The following CCDC191 variants were observed in gnomAD, a reference collection of about 807,000 sequenced individuals.
CCDC191 encodes coiled-coil domain containing 191, also known as coiled-coil domain-containing protein 191.
In CCDC191, 99 loss-of-function variants were observed where a neutral mutation model predicts 114.0. That is an observed-to-expected ratio of 0.87 (90% CI 0.74 to 1.03). CCDC191 has a LOEUF of 1.03. CCDC191 is among the 50% of genes least tolerant of loss of function. The probability of loss-of-function intolerance (pLI) is 0.00; values close to 1 mark genes in which losing one functional copy is unlikely to be tolerated. For missense variants in CCDC191, 973 were observed against 1,087.0 expected (o/e 0.90, Z 1.47); for synonymous variants, 351 against 376.0 (o/e 0.93, Z 0.77).
chr3:114,023,467 T>A (rs2076272906), intron 7 of CCDC191, among the ~76,000 whole-genome samples: 1 of 152,220 alleles, frequency 6.6e-6, no homozygotes, highest in Non-Finnish European at 1.5e-5. Context: ...ACTACAAGGC[T>A]ACAGTAACCA....
intron 1 of CCDC191, among the ~76,000 whole-genome samples, chr3:114,054,944 A>C (rs1262935982): frequency 6.6e-6 from 1 of 151,876 alleles, no homozygotes; most frequent in African/African-American, 2.4e-5. Flanking sequence ...TGGAGCACTA[A>C]ATCTCTTTTG....
chr3:113,989,410 G>T (rs981236871), intron 13 of CCDC191, among the ~76,000 whole-genome samples: 25 of 151,996 alleles, frequency 1.6e-4, no homozygotes, highest in Non-Finnish European at 3.2e-4. Context: ...CAATATTCTG[G>T]GTCATAAAGC....
chr3:113,984,226 G>GA (rs1447269433), intron 13 of CCDC191: 3 of 120,374 alleles, frequency 2.5e-5, no homozygotes, highest in African/African-American at 8.9e-5. Flanking sequence ...TCAACAGTAG[G>GA]GTTTTTTTTT....
chr3:114,052,427 T>G (rs1359717125), intron 2 of CCDC191, among the ~76,000 whole-genome samples: 3 of 152,142 alleles, frequency 2.0e-5, no homozygotes, highest in African/African-American at 7.2e-5. Flanking sequence ...CTCTCAACAC[T>G]CACATGCAAG....
chr3:114,034,750 C>T (rs368595761), intron 6 of CCDC191, among the ~76,000 whole-genome samples, 175 bp downstream of exon 6: 4 of 151,982 alleles, frequency 2.6e-5, no homozygotes, highest in African/African-American at 7.2e-5. Context: ...AAAGGGACCA[C>T]GTCAGGAGGA....
chr3:113,998,606 T>A (rs1263451053), intron 13 of CCDC191, among the ~76,000 whole-genome samples: 2 of 152,174 alleles, frequency 1.3e-5, no homozygotes, highest in Non-Finnish European at 1.5e-5. Context: ...CTAAAGGCAC[T>A]GCCGAGTACC....
chr3:114,024,548 T>C (rs1312864980), intron 7 of CCDC191, among the ~76,000 whole-genome samples: 1 of 152,124 alleles, frequency 6.6e-6, no homozygotes, highest in Non-Finnish European at 1.5e-5. Flanking sequence ...ATGTCCTTTG[T>C]AGGGACACAG....
chr3:114,007,229 A>G (rs1390631966), intron 9 of CCDC191, among the ~76,000 whole-genome samples: 8 of 152,196 alleles, frequency 5.3e-5, no homozygotes, highest in Admixed American at 4.6e-4. Context: ...GTTTGAGTCC[A>G]TGTTCTAAGG....
At chr3:113,986,450 C>A (rs991649301) in intron 13 of CCDC191, among the ~76,000 whole-genome samples, 1 of 152,062 alleles carries the variant, frequency 6.6e-6, no homozygotes, top group South Asian at 2.1e-4. Flanking sequence ...TAACAAAACA[C>A]AAAATCATAT....
At chr3:113,986,547 CA>C (rs1429782088) in intron 13 of CCDC191, among the ~76,000 whole-genome samples, 2 of 152,116 alleles carry the variant, frequency 1.3e-5, no homozygotes, top group Non-Finnish European at 2.9e-5. Flanking sequence ...TGCTAAAAAT[CA>C]AAGACAAAGA....
intron 7 of CCDC191, among the ~76,000 whole-genome samples, chr3:114,029,877 C>CA (rs1373824968): frequency 1.3e-5 from 2 of 152,006 alleles, no homozygotes; most frequent in East Asian, 3.9e-4. Context: ...TCATAAAAGA[C>CA]ACGGAAAGAC....
rs1312254632 is a variant in CCDC191, at chr3:113,965,369, T to A, written c.2607-10A>T. 1 of 1,530,164 alleles carries A rather than the reference T, an allele frequency of 6.5e-7. No homozygotes were observed. Among genetic ancestry groups the A allele is most frequent in the South Asian group, 1.3e-5 (1 of 79,802 alleles). 94.8% of individuals were successfully genotyped at this position (1,530,164 alleles called of 1,614,324 possible). ...GATCCAGAGGATCCTCCTTTAAGAA[T>A]AAAGAAGGAAAAAAGTGAAATGTTG... On this transcript the variant is annotated splice_polypyrimidine_tract_variant and intron_variant, in intron 16 of 16. Coordinates refer to ENST00000295878, the MANE Select transcript of CCDC191 (RefSeq NM_020817.2).
At chr3:114,053,849 T>C (rs896169567) in intron 1 of CCDC191, among the ~76,000 whole-genome samples, 7 of 152,244 alleles carry the variant, frequency 4.6e-5, no homozygotes, top group African/African-American at 1.7e-4. Context: ...TGATTGTTTT[T>C]ATTTCTTGTC....
rs752797292 is a variant in CCDC191, at chr3:113,979,010, C to T, written c.2308G>A (p.Val770Met). 6.2e-7 allele frequency: 1 copy of T among 1,612,456 alleles called. No individual in the cohort carries two copies. Among genetic ancestry groups the T allele is most frequent in the African/African-American group, 1.3e-5 (1 of 74,802 alleles). Residue 770 changes from valine to methionine, a missense_variant and splice_region_variant, in exon 15 of 17, where the codon GTG (valine) becomes ATG (methionine). Coordinates refer to ENST00000295878, the MANE Select transcript of CCDC191 (RefSeq NM_020817.2). ...LRMQSKQNIQVAEEHYSLFLQ... is the reference protein window; with the variant it reads ...LRMQSKQNIQMAEEHYSLFLQ... ...AACAAAGAGTAATGTTCTTCTGCCA[C>T]CTGGACAATTTTTTAAATGAGAAAT...
chr3:113,965,101 AAC>A lies in CCDC191; in HGVS notation c.*52_*53del, dbSNP rs1482548273. On this transcript the variant is annotated 3_prime_UTR_variant, in exon 17 of 17. Transcript: ENST00000295878. ...TGTATGTGTGTGGGTGGGTGGAGAT[AAC>A]ACACATACAGACTAGTCGAGCTTCC... 1 of 1,096,690 alleles carries A rather than the reference AAC, an allele frequency of 9.1e-7. No homozygotes were observed. The allele number at this position is 1,096,690 out of a possible 1,614,324, so 67.9% of individuals were successfully genotyped here.
intron 13 of CCDC191, among the ~76,000 whole-genome samples, chr3:113,983,542 A>C (rs1240387988): frequency 1.3e-5 from 2 of 152,196 alleles, no homozygotes; most frequent in East Asian, 3.9e-4. Context: ...CTCCTCAGAG[A>C]GGTATTTCCC....
chr3:114,056,359 G>A lies in CCDC191; in HGVS notation c.90+18C>T. ...CTTGGGAAAGTCCCCGCCCTCCAAAGCTCTCGATTGGGATCACCTTGGGAC... is the reference window on the plus strand; with the variant it reads ...CTTGGGAAAGTCCCCGCCCTCCAAAACTCTCGATTGGGATCACCTTGGGAC... On this transcript the variant is annotated intron_variant, in intron 1 of 16. Transcript: ENST00000295878. 6.2e-7 allele frequency: 1 copy of A among 1,612,960 alleles called. No individual in the cohort carries two copies. Among genetic ancestry groups the A allele is most frequent in the Non-Finnish European group, 8.5e-7 (1 of 1,179,016 alleles).
chr3:114,000,244 A>G (rs957441264), intron 13 of CCDC191, among the ~76,000 whole-genome samples: 1 of 152,080 alleles, frequency 6.6e-6, no homozygotes, highest in African/African-American at 2.4e-5. Context: ...ATCTGCTGAG[A>G]GCCTGAATAG....
At chr3:113,978,751 G>A in intron 15 of CCDC191, 107 bp downstream of exon 15, 1 of 1,226,234 alleles carries the variant, frequency 8.2e-7, no homozygotes, top group East Asian at 2.4e-5. Context: ...CTACTCTTTT[G>A]TTCTTGAAAA....
Sources: gnomAD v4.1 joint callset for allele counts (sites outside exome capture counted in the v4.1 genomes callset) on GRCh38, gnomAD v4.1.1 for gene constraint, MANE v1.5 for transcripts, NCBI Gene and HGNC (gene_info 2026-07-23, HGNC 2026-07-21) for gene names.